Variants in PDGFD observed in about 807,000 individuals in gnomAD.
PDGFD encodes platelet-derived growth factor D.
In PDGFD, 30 loss-of-function variants were observed where a neutral mutation model predicts 44.7. The observed-to-expected ratio is 0.67, with a 90% CI of 0.50 to 0.91. PDGFD has a LOEUF of 0.91. Among genes scored for constraint, PDGFD ranks in the 40% least tolerant of loss-of-function variants. The probability of loss-of-function intolerance (pLI) is 0.00; values close to 1 mark genes in which losing one functional copy is unlikely to be tolerated. For synonymous variants in PDGFD, 173 were observed against 168.4 expected, an observed-to-expected ratio of 1.03 and a Z score of -0.21; for missense variants, 445 against 457.8, an observed-to-expected ratio of 0.97 and a Z score of 0.25.
intron 1 of PDGFD, among the ~76,000 whole-genome samples, chr11:104,140,719 G>A (rs1862072361): frequency 1.3e-5 from 2 of 152,074 alleles, no homozygotes; most frequent in African/African-American, 4.8e-5. Flanking sequence ...GGCAACTGAA[G>A]CAACATATCC....
intron 1 of PDGFD, among the ~76,000 whole-genome samples, chr11:104,064,620 TAAAAG>T (rs972837812): frequency 1.3e-5 from 2 of 151,650 alleles, no homozygotes; most frequent in Non-Finnish European, 2.9e-5. Context: ...AAAAAAATAA[TAAAAG>T]AGAAGTGAAA....
intron 1 of PDGFD, among the ~76,000 whole-genome samples, chr11:104,014,382 G>T (rs1276931729): frequency 1.3e-5 from 2 of 152,160 alleles, no homozygotes; most frequent in Admixed American, 1.3e-4. Context: ...TGCAGTACCA[G>T]TGACTTGGGG....
intron 3 of PDGFD, among the ~76,000 whole-genome samples, chr11:103,978,548 T>C (rs72986876): frequency 6.6e-6 from 1 of 152,048 alleles, no homozygotes; most frequent in Admixed American, 6.6e-5. Context: ...GAGTTTTTTT[T>C]AATGGAATTA....
intron 1 of PDGFD, among the ~76,000 whole-genome samples, chr11:104,018,528 T>A (rs1859897139): frequency 6.6e-6 from 1 of 152,208 alleles, no homozygotes; most frequent in Admixed American, 6.5e-5. Flanking sequence ...GTCGAACCCA[T>A]GACATGTGAT....
At chr11:104,142,378 C>A (rs1862098272) in intron 1 of PDGFD, among the ~76,000 whole-genome samples, 1 of 151,830 alleles carries the variant, frequency 6.6e-6, no homozygotes, top group South Asian at 2.1e-4. Flanking sequence ...ATAACATATA[C>A]TCACACACAA....
chr11:103,962,448 GATGCTTGA>G (rs1167749740), intron 3 of PDGFD, among the ~76,000 whole-genome samples: 13 of 152,116 alleles, frequency 8.5e-5, no homozygotes, highest in Non-Finnish European at 1.5e-5. Context: ...GGATCATAAA[GATGCTTGA>G]ATACAAATGG....
intron 1 of PDGFD, among the ~76,000 whole-genome samples, chr11:104,025,762 C>A (rs1009162197): frequency 6.6e-6 from 1 of 152,166 alleles, no homozygotes; most frequent in South Asian, 2.1e-4. Context: ...TGAGGCAGGG[C>A]AGCAACAGTG....
rs1334898993 is a variant in PDGFD at position 103,909,096 on chromosome 11, C to T, written c.*598G>A. 6.6e-6 allele frequency: 1 copy of T among 152,198 alleles called. No homozygotes were observed. The highest frequency in any genetic ancestry group is 1.5e-5 in the Non-Finnish European group (1 of 68,118). The allele number at this position is 152,198 out of a possible 1,614,324, so 9.4% of individuals were successfully genotyped here. ...ACATAGGTAAGTATGCAGTGCTTCT[C>T]ATGGAAAAAATGCTTAGGTATTGGC... On this transcript the variant is annotated 3_prime_UTR_variant, in exon 7 of 7. Transcript: ENST00000393158.
Position 104,025,298 on chromosome 11 carries a change from C to A in PDGFD, c.125-25043G>T, listed in dbSNP as rs751724283. Among the ~76,000 whole-genome samples the A allele has an allele frequency of 3.3e-5, 5 of 152,200 alleles. No individual in the cohort carries two copies. In the East Asian group the frequency reaches 9.6e-4, roughly 29 times the overall value. On this transcript the variant is annotated intron_variant, in intron 1 of 6. Coordinates refer to ENST00000393158, the MANE Select transcript of PDGFD (RefSeq NM_025208.5). ...GCTACACACCAAAATGGAACCTTGA[C>A]CCAGGCATCAAGATTTTGACCAGAT...
chr11:104,087,834 T>C (rs996196700), intron 1 of PDGFD, among the ~76,000 whole-genome samples: 3 of 152,180 alleles, frequency 2.0e-5, no homozygotes, highest in Non-Finnish European at 4.4e-5. Context: ...CCTAGAGCAT[T>C]TTCATTTGGC....
At chr11:104,141,862 T>A (rs695000) in intron 1 of PDGFD, among the ~76,000 whole-genome samples, 3 of 152,134 alleles carry the variant, frequency 2.0e-5, no homozygotes, top group Non-Finnish European at 4.4e-5. Flanking sequence ...TATTTCGACA[T>A]TTTTATCTTC....
At chr11:104,091,986 A>G (rs1861218560) in intron 1 of PDGFD, among the ~76,000 whole-genome samples, 1 of 152,120 alleles carries the variant, frequency 6.6e-6, no homozygotes, top group Non-Finnish European at 1.5e-5. Context: ...CTTTCTATAC[A>G]TTTTCTACAC....
intron 5 of PDGFD, among the ~76,000 whole-genome samples, chr11:103,936,636 G>A (rs1858491865): frequency 6.6e-6 from 1 of 152,098 alleles, no homozygotes; most frequent in Non-Finnish European, 1.5e-5. Context: ...AGAGGAAAAT[G>A]TCATGGAGAA....
At chr11:104,002,419 C>T (rs1265870329) in intron 1 of PDGFD, among the ~76,000 whole-genome samples, 1 of 152,000 alleles carries the variant, frequency 6.6e-6, no homozygotes, top group African/African-American at 2.4e-5. Flanking sequence ...TGTGGCGGTC[C>T]CCTGCAACCC....
At chr11:103,986,217 G>C (rs961171524) in intron 3 of PDGFD, among the ~76,000 whole-genome samples, 5 of 152,104 alleles carry the variant, frequency 3.3e-5, no homozygotes, top group Non-Finnish European at 1.5e-5. Flanking sequence ...ATTCACCTAG[G>C]AGAGGAGACG....
chr11:104,097,480 T>C (rs766875685), intron 1 of PDGFD, among the ~76,000 whole-genome samples: 19 of 152,134 alleles, frequency 1.2e-4, no homozygotes, highest in Non-Finnish European at 1.0e-4. Flanking sequence ...ACCTACCAGT[T>C]GGGGTTGCTG....
intron 3 of PDGFD, among the ~76,000 whole-genome samples, chr11:103,984,429 G>A (rs1409205419): frequency 2.0e-5 from 3 of 151,562 alleles, no homozygotes; most frequent in Non-Finnish European, 4.4e-5. Context: ...TGGTGGAGAA[G>A]GGAGAGGATA....
intron 1 of PDGFD, among the ~76,000 whole-genome samples, chr11:104,045,038 AAAAC>A (rs574441782): frequency 4.6e-5 from 7 of 152,042 alleles, no homozygotes; most frequent in African/African-American, 1.2e-4. Flanking sequence ...ACTCTGTCTA[AAAAC>A]AAACAAACAA....
intron 5 of PDGFD, among the ~76,000 whole-genome samples, chr11:103,939,744 CA>C (rs1301760638): frequency 2.6e-5 from 4 of 152,024 alleles, no homozygotes; most frequent in African/African-American, 9.7e-5. Flanking sequence ...AAAGTAAATG[CA>C]ATTTGAACTT....
Sources: gnomAD v4.1 joint callset for allele counts (sites outside exome capture counted in the v4.1 genomes callset) on GRCh38, gnomAD v4.1.1 for gene constraint, MANE v1.5 for transcripts, NCBI Gene and HGNC (gene_info 2026-07-23, HGNC 2026-07-21) for gene names.